ANKRD31: variants seen among roughly 807,000 people sequenced by gnomAD.
ANKRD31 encodes ankyrin repeat domain 31, also known as ankyrin repeat domain-containing protein 31.
ANKRD31 carries 147 observed loss-of-function variants against 186.0 expected under a neutral mutation model. The observed-to-expected ratio is 0.79, with a 90% confidence interval of 0.69 to 0.91. The LOEUF is 0.91. Ranked by LOEUF, ANKRD31 falls within the 40% of genes least tolerant of loss-of-function variation. ANKRD31 has a pLI of 0.00. For synonymous variants in ANKRD31, 673 were observed against 736.4 expected, an observed-to-expected ratio of 0.91 and a Z score of 1.39; for missense variants, 1,986 against 2,148.8, an observed-to-expected ratio of 0.92 and a Z score of 1.50.
intron 24 of ANKRD31, among the ~76,000 whole-genome samples, chr5:75,082,821 A>G (rs1745186168): frequency 6.6e-6 from 1 of 152,204 alleles, no homozygotes; most frequent in Admixed American, 6.5e-5. Context: ...AGAATTAACT[A>G]AGGTTAAAAA....
chr5:75,132,248 G>C (rs988499506), intron 17 of ANKRD31, among the ~76,000 whole-genome samples: 4 of 152,188 alleles, frequency 2.6e-5, no homozygotes, highest in South Asian at 4.1e-4. Context: ...CAAACTCATC[G>C]CAAAGAACCT....
At chr5:75,072,157 TA>T (rs1230329249) in intron 25 of ANKRD31, among the ~76,000 whole-genome samples, 1 of 152,266 alleles carries the variant, frequency 6.6e-6, no homozygotes, top group African/African-American at 2.4e-5. Flanking sequence ...GGCTATTAGT[TA>T]CCTCTATTTT....
chr5:75,230,085 G>A (rs926787002), intron 2 of ANKRD31, among the ~76,000 whole-genome samples: 18 of 151,960 alleles, frequency 1.2e-4, no homozygotes, highest in Middle Eastern at 3.4e-3. Context: ...GTGTGTGCGC[G>A]CGTGTGTGCA....
intron 17 of ANKRD31, among the ~76,000 whole-genome samples, chr5:75,128,326 G>A (rs181279897): frequency 6.6e-6 from 1 of 151,498 alleles, no homozygotes; most frequent in Admixed American, 6.6e-5. Context: ...GTTGATGGAT[G>A]CAGCAAACCA....
intron 1 of ANKRD31, among the ~76,000 whole-genome samples, chr5:75,233,686 T>C (rs1349717884): frequency 1.4e-4 from 22 of 151,962 alleles, no homozygotes; most frequent in Admixed American, 1.4e-3. Flanking sequence ...GAGGCTGAAG[T>C]GGGGAGATCA....
intron 20 of ANKRD31, among the ~76,000 whole-genome samples, chr5:75,111,304 T>A (rs1336136061): frequency 7.2e-5 from 11 of 152,184 alleles, no homozygotes; most frequent in African/African-American, 2.2e-4. Flanking sequence ...TCGAAGTATA[T>A]CTGTATGACT....
At chr5:75,172,465 G>C (rs1753408908) in intron 10 of ANKRD31, among the ~76,000 whole-genome samples, 1 of 149,992 alleles carries the variant, frequency 6.7e-6, no homozygotes, top group Non-Finnish European at 1.5e-5. Context: ...TTTTTGAAAA[G>C]ATCAACAAAA....
Position 75,147,492 on chromosome 5 carries a change from C to T in ANKRD31, c.1919G>A (p.Ser640Asn). 6.9e-7 allele frequency: 1 copy of T among 1,451,952 alleles called. No homozygotes were observed. Among genetic ancestry groups the T allele is most frequent in the Non-Finnish European group, 9.0e-7 (1 of 1,111,570 alleles). The allele number at this position is 1,451,952 out of a possible 1,614,324, so 89.9% of individuals were successfully genotyped here. The change falls in exon 14 of 26, where the codon AGT becomes AAT. Residue 640 changes from serine to asparagine, a missense_variant. Ser to Asn is a conservative substitution (Grantham distance 46, BLOSUM62 1). Transcript: ENST00000506364. Reference protein sequence around the residue: ...DVYQHKKPKFSSKSHIWHVYN... With the variant: ...DVYQHKKPKFNSKSHIWHVYN... ...AACATGCCAAATGTGACTTTTAGAA[C>T]TGAACTTTGGTTTCTATAGAAAAAA...
chr5:75,189,970 A>G (rs1391195759), intron 9 of ANKRD31, among the ~76,000 whole-genome samples: 2 of 151,926 alleles, frequency 1.3e-5, no homozygotes, highest in Admixed American at 6.6e-5. Context: ...GTATTATATA[A>G]TGTTGGATTT....
At chr5:75,116,153 A>G (rs376231660) in intron 19 of ANKRD31, among the ~76,000 whole-genome samples, 3 of 150,294 alleles carry the variant, frequency 2.0e-5, no homozygotes, top group Admixed American at 6.6e-5. Context: ...GTAAACTATC[A>G]CAAGAACAAA....
intron 22 of ANKRD31, among the ~76,000 whole-genome samples, chr5:75,101,713 C>A (rs1746897642): frequency 6.6e-6 from 1 of 152,038 alleles, no homozygotes; most frequent in Admixed American, 6.6e-5. Context: ...TCCAGTTGAT[C>A]AAATGGGCTA....
chr5:75,071,402 T>A (rs769734832), intron 25 of ANKRD31, among the ~76,000 whole-genome samples: 42 of 151,352 alleles, frequency 2.8e-4, no homozygotes, highest in Admixed American at 5.3e-4. Flanking sequence ...TTATTACCAC[T>A]TTCCACAATG....
chr5:75,170,320 C>G (rs1427815821), intron 10 of ANKRD31, among the ~76,000 whole-genome samples: 2 of 151,884 alleles, frequency 1.3e-5, no homozygotes, highest in African/African-American at 4.8e-5. Flanking sequence ...ACTGCAAAGA[C>G]AAAGAAAGAA....
chr5:75,160,556 C>T (rs1752504697), intron 11 of ANKRD31, among the ~76,000 whole-genome samples: 1 of 152,094 alleles, frequency 6.6e-6, no homozygotes, highest in Admixed American at 6.5e-5. Context: ...AGATGTGATT[C>T]TTTTTAAAAA....
At chr5:75,168,822 C>T (rs1183169648) in intron 11 of ANKRD31, among the ~76,000 whole-genome samples, 157 bp downstream of exon 11, 1 of 152,048 alleles carries the variant, frequency 6.6e-6, no homozygotes. Flanking sequence ...ACACAACAAA[C>T]CCATCACACA....
At chr5:75,192,834 G>A in intron 8 of ANKRD31, 58 bp from the exon 9 acceptor site, 1 of 1,234,030 alleles carries the variant, frequency 8.1e-7, no homozygotes, top group East Asian at 2.6e-5. Flanking sequence ...CATTCACAGA[G>A]AATTATACCA....
In ANKRD31 at chr5:75,188,976, A is replaced by C. The variant is rs532454285; in HGVS notation, c.1409-328T>G. 3.9e-5 allele frequency among the ~76,000 whole-genome samples: 6 copies of C among 152,298 alleles called. No individual in the cohort carries two copies. In the East Asian group the frequency reaches 1.2e-3, roughly 29 times the overall value. ...AAAGACTAACAGATAATCTTCTTAA[A>C]AGTTCTGGTGAAAAGGATTATTTAA... is the stretch of plus-strand genomic sequence containing the variant. On this transcript the variant is annotated intron_variant, in intron 9 of 25. Transcript: ENST00000506364.
At chr5:75,126,406 C>A (rs527607704) in intron 17 of ANKRD31, among the ~76,000 whole-genome samples, 22 of 152,102 alleles carry the variant, frequency 1.4e-4, no homozygotes, top group Non-Finnish European at 2.6e-4. Context: ...CGTGACACTG[C>A]ACCCCAATAT....
chr5:75,236,799 A>C lies in ANKRD31; in HGVS notation c.-113T>G. 2 of 889,304 alleles carry C rather than the reference A, an allele frequency of 2.2e-6. No individual in the cohort carries two copies. The highest frequency in any genetic ancestry group is 3.3e-6 in the Non-Finnish European group (2 of 605,620). 55.1% of individuals were successfully genotyped at this position (889,304 alleles called of 1,614,324 possible). ...TGTGAATTAAAAATAAAAATAATAT[A>C]ATCGCAGCAGGAGCCGGGACTTGTC... is the stretch of plus-strand genomic sequence containing the variant. On this transcript the variant is annotated 5_prime_UTR_variant, in exon 1 of 26. It adds an upstream start codon to the 5' untranslated region. Coordinates refer to ENST00000506364, the MANE Select transcript of ANKRD31 (RefSeq NM_001372053.1).
Sources: gnomAD v4.1 joint callset for allele counts (sites outside exome capture counted in the v4.1 genomes callset) on GRCh38, gnomAD v4.1.1 for gene constraint, MANE v1.5 for transcripts, NCBI Gene and HGNC (gene_info 2026-07-23, HGNC 2026-07-21) for gene names.